Variants in CFDP1 observed in about 807,000 individuals in gnomAD.
CFDP1 encodes the protein chromatin remodeling protein CFDP1.
A neutral mutation model predicts 40.1 loss-of-function variants in CFDP1; 31 were observed. The observed-to-expected ratio is 0.77, with a 90% CI of 0.58 to 1.04. The LOEUF (loss-of-function observed/expected upper bound fraction) is 1.04, where lower values mean the gene tolerates loss of function less well. Among genes scored for constraint, CFDP1 ranks in the 50% least tolerant of loss-of-function variants. CFDP1 has a pLI of 0.00. For missense variants in CFDP1, 423 were observed against 343.4 expected (o/e 1.23, Z -1.83); for synonymous variants, 167 against 120.0 (o/e 1.39, Z -2.56).
rs990063066 is a variant in CFDP1, at chr16:75,433,475, G to C, written c.-123C>G. ...ACGGCAGCTAGGGCGGCCCCCGACAGCGCTTTGCACATGCGCAGAGAGTAC... is the reference window on the plus strand; with the variant it reads ...ACGGCAGCTAGGGCGGCCCCCGACACCGCTTTGCACATGCGCAGAGAGTAC... On this transcript the variant is annotated 5_prime_UTR_variant, in exon 1 of 7. Transcript: ENST00000283882. The C allele has an allele frequency of 1.1e-6, 1 of 872,766 alleles. No homozygotes were observed. Among genetic ancestry groups the C allele is most frequent in the South Asian group, 1.5e-5 (1 of 67,732 alleles). 54.1% of individuals were successfully genotyped at this position (872,766 alleles called of 1,614,324 possible). A position where few individuals can be genotyped will look rare whatever the true frequency, so the allele number is the denominator to read the frequency against.
At chr16:75,295,695 T>G (rs2078177460) in intron 6 of CFDP1, among the ~76,000 whole-genome samples, 2 of 152,222 alleles carry the variant, frequency 1.3e-5, no homozygotes, top group African/African-American at 4.8e-5. Flanking sequence ...GGCCTGCTCT[T>G]AGGTTTGATA....
intron 5 of CFDP1, among the ~76,000 whole-genome samples, chr16:75,355,582 T>C (rs2078639754): frequency 6.6e-6 from 1 of 152,156 alleles, no homozygotes; most frequent in African/African-American, 2.4e-5. Context: ...GGCTCTGATA[T>C]GGTCTGACTC....
intron 5 of CFDP1, among the ~76,000 whole-genome samples, chr16:75,314,475 G>C: frequency 6.6e-6 from 1 of 152,106 alleles, no homozygotes; most frequent in Middle Eastern, 3.2e-3. Flanking sequence ...GAGAAATGGG[G>C]ATAGGAGTTG....
chr16:75,303,400 A>AATAAATGAATATATGTATGTATGTATGT (rs745774792), intron 6 of CFDP1, among the ~76,000 whole-genome samples: 12 of 146,168 alleles, frequency 8.2e-5, no homozygotes, highest in Non-Finnish European at 1.6e-4. Context: ...TAAATAAATA[A>AATAAATGAATATATGTATGTATGTATGT]ATGTATGTAT....
intron 6 of CFDP1, among the ~76,000 whole-genome samples, chr16:75,295,442 T>C (rs935832728): frequency 6.6e-6 from 1 of 152,198 alleles, no homozygotes; most frequent in East Asian, 1.9e-4. Flanking sequence ...GACTGTTGTG[T>C]GGATTAAATA....
intron 1 of CFDP1, among the ~76,000 whole-genome samples, chr16:75,432,262 G>A (rs1597416481): frequency 2.0e-5 from 3 of 149,556 alleles, no homozygotes; most frequent in Admixed American, 2.0e-4. Context: ...TAGCCGGGGC[G>A]CGGTGGCTCA....
At chr16:75,397,696 C>CT (rs1039383434) in intron 4 of CFDP1, among the ~76,000 whole-genome samples, 4 of 151,918 alleles carry the variant, frequency 2.6e-5, no homozygotes, top group African/African-American at 9.7e-5. Flanking sequence ...ATCCTAGCTA[C>CT]TCGGGAGGCT....
At chr16:75,392,615 A>G (rs561533736) in intron 5 of CFDP1, among the ~76,000 whole-genome samples, 49 of 152,270 alleles carry the variant, frequency 3.2e-4, no homozygotes, top group African/African-American at 1.1e-3. Context: ...CTGCTGCCTC[A>G]GCCTCCTAGG....
At chr16:75,429,044 G>T (rs923848044) in intron 1 of CFDP1, among the ~76,000 whole-genome samples, 1 of 151,888 alleles carries the variant, frequency 6.6e-6, no homozygotes, top group Non-Finnish European at 1.5e-5. Flanking sequence ...TTAAACCCGG[G>T]AAGTGGAGGT....
intron 4 of CFDP1, among the ~76,000 whole-genome samples, chr16:75,410,486 T>C (rs1360383607): frequency 6.6e-6 from 1 of 152,090 alleles, no homozygotes; most frequent in Non-Finnish European, 1.5e-5. Context: ...AAGAAAATAA[T>C]ATTGAGGCCG....
At chr16:75,345,473 A>G (rs1318640169) in intron 5 of CFDP1, among the ~76,000 whole-genome samples, 1 of 150,498 alleles carries the variant, frequency 6.6e-6, no homozygotes, top group East Asian at 1.9e-4. Flanking sequence ...AAAACAAAAC[A>G]AAAAAAAACA....
intron 5 of CFDP1, among the ~76,000 whole-genome samples, chr16:75,381,887 C>T (rs1358854655): frequency 6.6e-6 from 1 of 152,064 alleles, no homozygotes; most frequent in African/African-American, 2.4e-5. Context: ...CTATTAGATG[C>T]ATAAAGACAA....
At chr16:75,363,456 C>T (rs183017240) in intron 5 of CFDP1, among the ~76,000 whole-genome samples, 3 of 150,942 alleles carry the variant, frequency 2.0e-5, no homozygotes, top group Non-Finnish European at 4.4e-5. Context: ...AGTGCAGTGG[C>T]GCAATCTCAG....
At chr16:75,317,537 C>T (rs184247899) in intron 5 of CFDP1, among the ~76,000 whole-genome samples, 14 of 152,138 alleles carry the variant, frequency 9.2e-5, no homozygotes, top group Non-Finnish European at 1.2e-4. Context: ...CCCTGAGGTG[C>T]GAACTGCTGT....
chr16:75,417,815 G>C (rs1261398534), intron 1 of CFDP1, among the ~76,000 whole-genome samples: 2 of 147,104 alleles, frequency 1.4e-5, no homozygotes, highest in African/African-American at 5.0e-5. Context: ...GCATTCCAAA[G>C]ACAAAAAAAA....
At chr16:75,400,561 G>C (rs1422789914) in intron 4 of CFDP1, among the ~76,000 whole-genome samples, 1 of 152,100 alleles carries the variant, frequency 6.6e-6, no homozygotes, top group African/African-American at 2.4e-5. Flanking sequence ...CATACCACAG[G>C]CTACTGCTCT....
At chr16:75,377,182 T>A (rs2078806503) in intron 5 of CFDP1, among the ~76,000 whole-genome samples, 1 of 152,242 alleles carries the variant, frequency 6.6e-6, no homozygotes, top group African/African-American at 2.4e-5. Flanking sequence ...TGAAAACTCA[T>A]TAAATTGAAC....
intron 5 of CFDP1, among the ~76,000 whole-genome samples, chr16:75,367,073 G>T (rs1025020895): frequency 6.6e-6 from 1 of 150,400 alleles, no homozygotes; most frequent in African/African-American, 2.5e-5. Flanking sequence ...CTGAGGAAGG[G>T]GAACTACTTG....
At chr16:75,424,017 A>AT (rs1360452721) in intron 1 of CFDP1, among the ~76,000 whole-genome samples, 1 of 152,226 alleles carries the variant, frequency 6.6e-6, no homozygotes, top group Non-Finnish European at 1.5e-5. Context: ...TCTGTCAGAA[A>AT]TTTGAAAATC....
Sources: allele counts gnomAD v4.1 joint callset (sites outside exome capture counted in the v4.1 genomes callset), GRCh38; gene constraint gnomAD v4.1.1; transcripts MANE v1.5; gene names NCBI Gene and HGNC (gene_info 2026-07-23, HGNC 2026-07-21).